CDH4: variants seen among roughly 807,000 people sequenced by gnomAD.
The protein encoded by CDH4 is cadherin-4.
A neutral mutation model predicts 86.0 loss-of-function variants in CDH4; 33 were observed. That is an observed-to-expected ratio of 0.38 (90% CI 0.29 to 0.51). CDH4 has a LOEUF of 0.51. CDH4 is among the 20% of genes least tolerant of loss of function. The pLI is 0.86. For synonymous variants in CDH4, 555 were observed against 549.4 expected, an observed-to-expected ratio of 1.01 and a Z score of -0.14; for missense variants, 1,114 against 1,307.4, an observed-to-expected ratio of 0.85 and a Z score of 2.28.
chr20:61,697,197 T>C (rs533459102), intron 2 of CDH4, among the ~76,000 whole-genome samples: 11 of 152,106 alleles, frequency 7.2e-5, no homozygotes, highest in African/African-American at 2.7e-4. Flanking sequence ...GGCCTGAGAA[T>C]GAGGACGAAA....
intron 4 of CDH4, among the ~76,000 whole-genome samples, chr20:61,839,824 G>A (rs1372116233): frequency 6.6e-6 from 1 of 151,690 alleles, no homozygotes; most frequent in South Asian, 2.1e-4. Context: ...TGTGTGTTGT[G>A]TGTCTGTGTG....
At chr20:61,328,290 C>G (rs2084547451) in intron 2 of CDH4, among the ~76,000 whole-genome samples, 3 of 152,110 alleles carry the variant, frequency 2.0e-5, no homozygotes, top group Admixed American at 1.3e-4. Flanking sequence ...ATTCTCCTGC[C>G]TCAGCCTCCC....
intron 2 of CDH4, among the ~76,000 whole-genome samples, chr20:61,492,219 A>G (rs1405852131): frequency 7.2e-6 from 1 of 138,972 alleles, no homozygotes; most frequent in African/African-American, 2.8e-5. Context: ...TGGTGTTGAT[A>G]TTGTTGATAT....
At chr20:61,633,537 T>C (rs1200915040) in intron 2 of CDH4, among the ~76,000 whole-genome samples, 1 of 152,136 alleles carries the variant, frequency 6.6e-6, no homozygotes, top group African/African-American at 2.4e-5. Context: ...TATCCATCAA[T>C]GTATCCACCC....
At chr20:61,747,274 A>T (rs1449172553) in intron 3 of CDH4, among the ~76,000 whole-genome samples, 2 of 152,134 alleles carry the variant, frequency 1.3e-5, no homozygotes, top group Non-Finnish European at 2.9e-5. Context: ...CTCTGTCTCT[A>T]CTAAAAATAC....
chr20:61,562,670 G>A (rs1479863550), intron 2 of CDH4, among the ~76,000 whole-genome samples: 1 of 152,260 alleles, frequency 6.6e-6, no homozygotes, highest in Non-Finnish European at 1.5e-5. Context: ...ACCTGTGGTT[G>A]AACAGAGCAA....
intron 2 of CDH4, among the ~76,000 whole-genome samples, chr20:61,599,133 TCC>T (rs2086578917): frequency 6.6e-6 from 1 of 152,148 alleles, no homozygotes; most frequent in African/African-American, 2.4e-5. Context: ...TTGGTGGATC[TCC>T]CACCATGGTG....
intron 2 of CDH4, among the ~76,000 whole-genome samples, chr20:61,581,794 C>T (rs571979468): frequency 7.9e-5 from 12 of 152,310 alleles, no homozygotes; most frequent in East Asian, 5.8e-4. Context: ...CTTTAGGGAC[C>T]GCTTTTCAGC....
At chr20:61,798,123 C>A (rs558220887) in intron 4 of CDH4, among the ~76,000 whole-genome samples, 7 of 152,310 alleles carry the variant, frequency 4.6e-5, no homozygotes, top group African/African-American at 1.4e-4. Flanking sequence ...CGGGTCACAC[C>A]GTCAGTCACC....
chr20:61,881,406 G>A (rs56328266), intron 7 of CDH4, among the ~76,000 whole-genome samples: 7,175 of 152,290 alleles, frequency 0.047, 206 homozygotes, highest in Non-Finnish European at 0.07. Context: ...CCGTGGCTGC[G>A]GAAGAAATAA....
At chr20:61,705,083 C>T (rs1047734621) in intron 2 of CDH4, among the ~76,000 whole-genome samples, 8 of 152,212 alleles carry the variant, frequency 5.3e-5, no homozygotes, top group African/African-American at 7.2e-5. Context: ...GCTTCCCATC[C>T]GCTTTGTCTC....
chr20:61,803,890 A>G (rs1979973778), intron 4 of CDH4, among the ~76,000 whole-genome samples: 1 of 152,270 alleles, frequency 6.6e-6, no homozygotes, highest in Non-Finnish European at 1.5e-5. Context: ...CCATCGCTGC[A>G]GAGCGTGAGG....
At chr20:61,491,618 G>T (rs1048729096) in intron 2 of CDH4, among the ~76,000 whole-genome samples, 2 of 152,202 alleles carry the variant, frequency 1.3e-5, no homozygotes, top group Non-Finnish European at 2.9e-5. Context: ...GTCTGCCATT[G>T]TCTCTCTGTT....
At chr20:61,325,222 GAAA>G (rs11482226) in intron 2 of CDH4, among the ~76,000 whole-genome samples, 1 of 144,634 alleles carries the variant, frequency 6.9e-6, no homozygotes, top group African/African-American at 2.6e-5. Flanking sequence ...GTGGTCACTG[GAAA>G]AAAAAAAAAA....
At chr20:61,766,269 G>A (rs2088697486) in intron 3 of CDH4, among the ~76,000 whole-genome samples, 1 of 152,014 alleles carries the variant, frequency 6.6e-6, no homozygotes, top group Non-Finnish European at 1.5e-5. Context: ...ACTGGCCTGG[G>A]CCTCAGTTTC....
chr20:61,741,208 C>CA (rs924810249), intron 2 of CDH4, among the ~76,000 whole-genome samples: 1 of 152,106 alleles, frequency 6.6e-6, no homozygotes, highest in Non-Finnish European at 1.5e-5. Flanking sequence ...GACTCCATCT[C>CA]AAAAAACAAC....
At chr20:61,282,944 TG>T (rs67326049) in intron 2 of CDH4, among the ~76,000 whole-genome samples, 10,615 of 27,406 alleles carry the variant, frequency 0.39, 1,467 homozygotes, top group East Asian at 0.48. Flanking sequence ...GCGTGTGCTG[TG>T]GCGTGTGATG....
At chr20:61,784,502 G>GA (rs1166046196) in intron 4 of CDH4, among the ~76,000 whole-genome samples, 8 of 85,454 alleles carry the variant, frequency 9.4e-5, no homozygotes, top group African/African-American at 1.5e-4. Flanking sequence ...GCCCCCAGGA[G>GA]AATGTAAGCC....
chr20:61,785,614 G>GGCCCCCACCCAGGTTTGCAGA (rs1043284946), intron 4 of CDH4, among the ~76,000 whole-genome samples: 2 of 151,302 alleles, frequency 1.3e-5, no homozygotes, highest in Non-Finnish European at 2.9e-5. Flanking sequence ...AGGTGGACAG[G>GGCCCCCACCCAGGTTTGCAGA]GCCCCCACCC....
Sources: allele counts gnomAD v4.1 joint callset (sites outside exome capture counted in the v4.1 genomes callset), GRCh38; gene constraint gnomAD v4.1.1; transcripts MANE v1.5; gene names NCBI Gene and HGNC (gene_info 2026-07-23, HGNC 2026-07-21).